The following RAB11FIP2 variants were observed in gnomAD, a reference collection of about 807,000 sequenced individuals.
RAB11FIP2 encodes the protein RAB11 family interacting protein 2, also known as rab11 family-interacting protein 2.
In RAB11FIP2, 16 loss-of-function variants were observed where a neutral mutation model predicts 40.9. The ratio of observed to expected loss-of-function variants is 0.39; its 90% CI spans 0.26 to 0.59. RAB11FIP2 has a LOEUF of 0.59. RAB11FIP2 is among the 20% of genes least tolerant of loss of function. RAB11FIP2 has a pLI of 0.53. For synonymous variants in RAB11FIP2, 228 were observed against 213.7 expected (o/e 1.07, Z -0.58); for missense variants, 532 against 606.2 (o/e 0.88, Z 1.28).
At position 118,009,088 on chromosome 10, in the gene RAB11FIP2, G is replaced by A. The variant is rs138030602; in HGVS notation, c.1449C>T (p.Asn483=). 2.5e-6 allele frequency: 4 copies of A among 1,613,490 alleles called. No individual in the cohort carries two copies. Among genetic ancestry groups the A allele is most frequent in the Admixed American group, 1.7e-5 (1 of 59,950 alleles). Residue 483 remains asparagine, a synonymous_variant, in exon 5 of 5, where the codon AAC becomes AAT. Coordinates refer to ENST00000355624, the MANE Select transcript of RAB11FIP2 (RefSeq NM_014904.3). ...TTTCTTCCATTACCCTTACAAGGAGGTTGTCGATGTAGTCCTCGAGTTCCC... is the reference window on the plus strand; with the variant it reads ...TTTCTTCCATTACCCTTACAAGGAGATTGTCGATGTAGTCCTCGAGTTCCC... ...HIRELEDYID[N]LLVRVMEETP... is the part of the protein sequence containing the mutation.
At chr10:118,044,356 C>T (rs1336919711) in intron 1 of RAB11FIP2, among the ~76,000 whole-genome samples, 1 of 152,054 alleles carries the variant, frequency 6.6e-6, no homozygotes, top group Non-Finnish European at 1.5e-5. Context: ...ATTCAAAACA[C>T]GTTAAATATT....
In RAB11FIP2 at chr10:118,008,759, C is replaced by A; in HGVS notation, c.*239G>T. On this transcript the variant is annotated 3_prime_UTR_variant, in exon 5 of 5. Coordinates refer to ENST00000355624, the MANE Select transcript of RAB11FIP2 (RefSeq NM_014904.3). ...CAGCACCTGAGTGAGTCCTAAGGAA[C>A]CACTTATTCATTGAGAATCTGGCCC... The A allele has an allele frequency of 2.1e-6, 1 of 481,424 alleles. No homozygotes were observed. Among genetic ancestry groups the A allele is most frequent in the Non-Finnish European group, 3.8e-6 (1 of 265,298 alleles). The allele number at this position is 481,424 out of a possible 1,614,324, so 29.8% of individuals were successfully genotyped here.
At position 118,007,030 on chromosome 10, in the gene RAB11FIP2, G is replaced by A. The variant is rs547928760; in HGVS notation, c.*1968C>T. 1.3e-5 allele frequency: 2 copies of A among 152,354 alleles called. No homozygotes were observed. The highest frequency in any genetic ancestry group is 4.8e-5 in the African/African-American group (2 of 41,488). 9.4% of individuals were successfully genotyped at this position (152,354 alleles called of 1,614,324 possible). On this transcript the variant is annotated 3_prime_UTR_variant, in exon 5 of 5. Coordinates refer to ENST00000355624, the MANE Select transcript of RAB11FIP2 (RefSeq NM_014904.3). Reference sequence around the variant, plus strand: ...GCCAAAGCATATTATTATAGTATCTGCAGATACTGTCATAATACTGAAAAC... The same window carrying A: ...GCCAAAGCATATTATTATAGTATCTACAGATACTGTCATAATACTGAAAAC...
intron 4 of RAB11FIP2, among the ~76,000 whole-genome samples, chr10:118,013,259 CATT>C (rs1846178146): frequency 6.6e-6 from 1 of 151,984 alleles, no homozygotes; most frequent in African/African-American, 2.4e-5. Flanking sequence ...CTGATCATCT[CATT>C]ATTGTTCTAA....
intron 3 of RAB11FIP2, among the ~76,000 whole-genome samples, chr10:118,025,464 C>G (rs1008647960): frequency 2.0e-5 from 3 of 152,046 alleles, no homozygotes; most frequent in African/African-American, 7.2e-5. Context: ...AGTTTTTGTT[C>G]GGAATCTAAA....
chr10:118,043,828 G>C (rs975273702), intron 1 of RAB11FIP2, among the ~76,000 whole-genome samples: 36 of 152,168 alleles, frequency 2.4e-4, no homozygotes, highest in African/African-American at 8.2e-4. Flanking sequence ...GGCGGCTCAA[G>C]TCTGTCTCTT....
chr10:118,005,749 T>G lies in RAB11FIP2; in HGVS notation c.*3249A>C, dbSNP rs1386494046. 1.1e-4 allele frequency: 17 copies of G among 152,094 alleles called. 1 individual carries two copies. Among genetic ancestry groups the G allele is most frequent in the Admixed American group, 1.1e-3 (17 of 15,234 alleles). 9.4% of individuals were successfully genotyped at this position (152,094 alleles called of 1,614,324 possible). A position where few individuals can be genotyped will look rare whatever the true frequency, so the allele number is the denominator to read the frequency against. Reference sequence around the variant, plus strand: ...TTACTGTAGATATATTAGACAACAGTTTTTTGTTTTTTTTTTTAGATTCTC... The same window carrying G: ...TTACTGTAGATATATTAGACAACAGGTTTTTGTTTTTTTTTTTAGATTCTC... On this transcript the variant is annotated 3_prime_UTR_variant, in exon 5 of 5. Coordinates refer to ENST00000355624, the MANE Select transcript of RAB11FIP2 (RefSeq NM_014904.3).
chr10:118,031,936 G>A (rs190408096), intron 3 of RAB11FIP2, among the ~76,000 whole-genome samples: 4 of 151,796 alleles, frequency 2.6e-5, no homozygotes, highest in African/African-American at 4.8e-5. Context: ...AAAATTCTCT[G>A]GTAAAAATAT....
intron 3 of RAB11FIP2, among the ~76,000 whole-genome samples, chr10:118,031,943 A>G (rs1371649060): frequency 6.6e-6 from 1 of 152,066 alleles, no homozygotes; most frequent in Non-Finnish European, 1.5e-5. Flanking sequence ...TCTGGTAAAA[A>G]TATCTCCCAT....
rs140678903 is a variant in RAB11FIP2 at position 118,016,533 on chromosome 10, T to C, written c.1266-1423A>G. On this transcript the variant is annotated intron_variant, in intron 3 of 4. Transcript: ENST00000355624. Reference sequence around the variant, plus strand: ...CAGCTGCTAACACATGTGGTTTCCATCCTCTCTGATTTTCGATCCAAGGTA... The same window carrying C: ...CAGCTGCTAACACATGTGGTTTCCACCCTCTCTGATTTTCGATCCAAGGTA... Among the ~76,000 whole-genome samples, 1,431 of 152,272 alleles carry C rather than the reference T, an allele frequency of 9.4e-3. 9 individuals carry two copies. Among genetic ancestry groups the C allele is most frequent in the Middle Eastern group, 0.017 (5 of 294 alleles).
intron 3 of RAB11FIP2, among the ~76,000 whole-genome samples, chr10:118,032,412 C>T (rs935773501): frequency 2.0e-5 from 3 of 148,732 alleles, no homozygotes; most frequent in African/African-American, 7.3e-5. Context: ...TGCGTGCGTG[C>T]GTGTGTGTGT....
intron 3 of RAB11FIP2, among the ~76,000 whole-genome samples, chr10:118,034,884 T>C (rs1846462400): frequency 6.6e-6 from 1 of 152,138 alleles, no homozygotes; most frequent in Non-Finnish European, 1.5e-5. Flanking sequence ...TGATTAGGCA[T>C]CAATGGCACA....
intron 1 of RAB11FIP2, among the ~76,000 whole-genome samples, chr10:118,044,616 T>C (rs2133185841): frequency 6.6e-6 from 1 of 152,246 alleles, no homozygotes; most frequent in Admixed American, 6.5e-5. Context: ...TTCTGATCTC[T>C]CTACACTTTT....
At chr10:118,018,978 G>A (rs1346627876) in intron 3 of RAB11FIP2, among the ~76,000 whole-genome samples, 1 of 150,842 alleles carries the variant, frequency 6.6e-6, no homozygotes, top group African/African-American at 2.4e-5. Flanking sequence ...ACCTAAGGAG[G>A]AGAAACTATT....
At position 118,006,803 on chromosome 10, in the gene RAB11FIP2, A is replaced by T. The variant is rs554033794; in HGVS notation, c.*2195T>A. 1.8e-4 allele frequency: 27 copies of T among 152,208 alleles called. No individual in the cohort carries two copies. Among genetic ancestry groups the T allele is most frequent in the African/African-American group, 6.3e-4 (26 of 41,574 alleles). The allele number at this position is 152,208 out of a possible 1,614,324, so 9.4% of individuals were successfully genotyped here. On this transcript the variant is annotated 3_prime_UTR_variant, in exon 5 of 5. Coordinates refer to ENST00000355624, the MANE Select transcript of RAB11FIP2 (RefSeq NM_014904.3). The stretch of plus-strand genomic sequence containing the variant: ...GATTTAAAGATAAAAATTTTGATTG[A>T]GTTATAACCAAATCACTCATGTATG...
chr10:118,012,398 T>C (rs565909449), intron 4 of RAB11FIP2, among the ~76,000 whole-genome samples: 4 of 151,978 alleles, frequency 2.6e-5, no homozygotes, highest in Non-Finnish European at 5.9e-5. Context: ...CTATGAATTA[T>C]ATTCTGGAAA....
In RAB11FIP2 at chr10:118,034,663, T is replaced by C. The variant is rs193294649; in HGVS notation, c.1265+4309A>G. On this transcript the variant is annotated intron_variant, in intron 3 of 4. Transcript: ENST00000355624. ...TTGATAAAGCATGAAAAAAATTAGT[T>C]GATACTGATGATGCTAAACAACCTG... Among the ~76,000 whole-genome samples, 136 of 152,250 alleles carry C rather than the reference T, an allele frequency of 8.9e-4. 4 individuals carry two copies. The highest frequency in any genetic ancestry group is 8.9e-3 in the Admixed American group (136 of 15,286).
intron 4 of RAB11FIP2, among the ~76,000 whole-genome samples, chr10:118,011,485 T>G (rs1846155119): frequency 6.6e-6 from 1 of 152,110 alleles, no homozygotes. Flanking sequence ...TACATTCTTA[T>G]AAAAGATTAT....
In RAB11FIP2 at chr10:118,009,031, T is replaced by C. The variant is rs1233836526; in HGVS notation, c.1506A>G (p.Pro502=). The part of the protein sequence containing the change: ...TPSILRVPYE[P]SRKAGKFSNS ...TAGAGAATTTGCCAGCTTTCCTGGA[T>C]GGTTCATACGGCACTCTGAGAATAC... The change falls in exon 5 of 5, where the codon CCA becomes CCG. Residue 502 remains proline (P), a synonymous_variant. Coordinates refer to ENST00000355624, the MANE Select transcript of RAB11FIP2 (RefSeq NM_014904.3). 1.2e-6 allele frequency: 2 copies of C among 1,613,314 alleles called. No individual in the cohort carries two copies.
Sources: gnomAD v4.1 joint callset for allele counts (sites outside exome capture counted in the v4.1 genomes callset) on GRCh38, gnomAD v4.1.1 for gene constraint, MANE v1.5 for transcripts, NCBI Gene and HGNC (gene_info 2026-07-23, HGNC 2026-07-21) for gene names.